Variants in MYH10 observed in about 807,000 individuals in gnomAD.
The protein encoded by MYH10 is myosin heavy chain 10, also known as myosin-10.
In MYH10, 55 loss-of-function variants were observed where a neutral mutation model predicts 257.8. That is an observed-to-expected ratio of 0.21 (90% CI 0.17 to 0.27). The LOEUF (loss-of-function observed/expected upper bound fraction) is 0.27. MYH10 is among the 10% of genes least tolerant of loss of function. MYH10 has a pLI of 1.00. For synonymous variants in MYH10, 854 were observed against 921.7 expected, an observed-to-expected ratio of 0.93 and a Z score of 1.33; for missense variants, 1,631 against 2,500.6, an observed-to-expected ratio of 0.65 and a Z score of 7.42.
chr17:8,600,097 G>A (rs1365222802), intron 3 of MYH10, among the ~76,000 whole-genome samples: 1 of 152,122 alleles, frequency 6.6e-6, no homozygotes, highest in Non-Finnish European at 1.5e-5. Context: ...AATTACAGTG[G>A]TATTTATCTG....
At chr17:8,495,520 A>G (rs1055990503) in intron 30 of MYH10, among the ~76,000 whole-genome samples, 1 of 152,078 alleles carries the variant, frequency 6.6e-6, no homozygotes, top group Non-Finnish European at 1.5e-5. Context: ...ACCTTCTTCT[A>G]TTTTTATCAT....
chr17:8,622,903 T>C lies in MYH10; in HGVS notation c.344A>G (p.Tyr115Cys), dbSNP rs367804571. Residue 115 changes from tyrosine to cysteine, a missense_variant and splice_region_variant, in exon 2 of 43, where the codon TAT (tyrosine) becomes TGT (cysteine). Physicochemically the swap from Tyr to Cys is radical, Grantham distance 194. Around this residue, in one of 11 missense-constraint regions of MYH10, gnomAD observed 360 missense variants for 581.9 expected, o/e 0.62. Coordinates refer to ENST00000360416, the MANE Select transcript of MYH10 (RefSeq NM_001256012.3). ...TGATTATTTGGAAGAAATACTTACA[T>C]AGATTAGTCCTGAATAGTAGCGATC... ...LKDRYYSGLIYTYSGLFCVVI... is the reference protein window; with the variant it reads ...LKDRYYSGLICTYSGLFCVVI... The C allele has an allele frequency of 2.5e-6, 4 of 1,612,458 alleles. No individual in the cohort carries two copies. Among genetic ancestry groups the C allele is most frequent in the African/African-American group, 2.7e-5 (2 of 74,858 alleles).
At chr17:8,567,619 T>C (rs1399701549) in intron 7 of MYH10, among the ~76,000 whole-genome samples, 1 of 152,084 alleles carries the variant, frequency 6.6e-6, no homozygotes, top group Non-Finnish European at 1.5e-5. Flanking sequence ...ATATAATTGG[T>C]GTCCTCATAA....
intron 29 of MYH10, 42 bp from the exon 30 acceptor site, chr17:8,499,518 T>A (rs748556609): frequency 1.8e-5 from 28 of 1,591,782 alleles, no homozygotes; most frequent in Non-Finnish European, 2.3e-5. Context: ...AGTTATTTTC[T>A]AAAACTCCAT....
chr17:8,630,151 G>A (rs1339637430), intron 1 of MYH10, among the ~76,000 whole-genome samples: 2 of 148,128 alleles, frequency 1.4e-5, no homozygotes, highest in Non-Finnish European at 3.0e-5. Context: ...CCGGGACTGC[G>A]CTTTCCAGCC....
In MYH10 at chr17:8,578,730, T is replaced by C. The variant is rs537065852; in HGVS notation, c.531-1392A>G. ...AAGCTGCTACACACACAGCGAGACC[T>C]GAATTACGGCCTCTGCTCAAACACT... On this transcript the variant is annotated intron_variant, in intron 4 of 42. Coordinates refer to ENST00000360416, the MANE Select transcript of MYH10 (RefSeq NM_001256012.3). Among the ~76,000 whole-genome samples the C allele has an allele frequency of 1.7e-3, 258 of 152,274 alleles. 1 individual carries two copies. Among genetic ancestry groups the C allele is most frequent in the African/African-American group, 5.9e-3 (245 of 41,546 alleles).
chr17:8,476,805 C>G, intron 42 of MYH10, 71 bp downstream of exon 42: 1 of 1,508,148 alleles, frequency 6.6e-7, no homozygotes, highest in Admixed American at 1.9e-5. Flanking sequence ...TTCCTCTGAC[C>G]AGCTGCACCC....
intron 2 of MYH10, among the ~76,000 whole-genome samples, chr17:8,609,575 G>A (rs976586137): frequency 1.3e-5 from 2 of 151,730 alleles, no homozygotes; most frequent in African/African-American, 2.4e-5. Context: ...TAGAGTCTAC[G>A]TATTAGGACA....
chr17:8,571,384 C>T (rs964765980), intron 6 of MYH10, among the ~76,000 whole-genome samples: 3 of 151,372 alleles, frequency 2.0e-5, no homozygotes, highest in Non-Finnish European at 4.4e-5. Flanking sequence ...CCATGTTAGC[C>T]AGGATGGTCT....
At chr17:8,571,772 A>T (rs1160265347) in intron 6 of MYH10, among the ~76,000 whole-genome samples, 3 of 152,158 alleles carry the variant, frequency 2.0e-5, no homozygotes, top group Admixed American at 6.5e-5. Flanking sequence ...AAAATAAAAA[A>T]TAAAAATTAA....
Position 8,513,743 on chromosome 17 carries a change from C to G in MYH10, c.2613+43G>C, listed in dbSNP as rs565002591. On this transcript the variant is annotated intron_variant, in intron 22 of 42. Coordinates refer to ENST00000360416, the MANE Select transcript of MYH10 (RefSeq NM_001256012.3). ...CCTATGGGTTTTTCCTGATCAGACT[C>G]TGCTATTTGAAAGGGATCTGGAAAG... The G allele has an allele frequency of 1.6e-5, 25 of 1,611,106 alleles. No individual in the cohort carries two copies. The South Asian group carries it at 2.3e-4, about 15-fold the overall frequency.
intron 30 of MYH10, among the ~76,000 whole-genome samples, chr17:8,497,496 T>C (rs1393941213): frequency 6.6e-6 from 1 of 151,952 alleles, no homozygotes; most frequent in African/African-American, 2.4e-5. Flanking sequence ...TCCCAGCACT[T>C]TGGGAGGCTG....
intron 2 of MYH10, among the ~76,000 whole-genome samples, chr17:8,620,573 T>A (rs757601502): frequency 7.3e-6 from 1 of 137,408 alleles, no homozygotes; most frequent in Non-Finnish European, 1.5e-5. Flanking sequence ...TTATGTTATA[T>A]CTTATCTATA....
intron 13 of MYH10, among the ~76,000 whole-genome samples, chr17:8,543,318 C>A (rs1005905916): frequency 2.0e-5 from 3 of 152,132 alleles, no homozygotes; most frequent in African/African-American, 7.2e-5. Context: ...AGGGCAGGGG[C>A]AGTGCTTGCC....
intron 36 of MYH10, 132 bp from the exon 37 acceptor site, chr17:8,484,398 G>A (rs1914405572): frequency 1.3e-6 from 1 of 760,148 alleles, no homozygotes; most frequent in African/African-American, 1.8e-5. Flanking sequence ...CATTGCTCCT[G>A]ATTACAAGTG....
intron 6 of MYH10, among the ~76,000 whole-genome samples, chr17:8,573,623 C>A (rs1170566903): frequency 6.6e-6 from 1 of 152,188 alleles, no homozygotes; most frequent in African/African-American, 2.4e-5. Context: ...TAAGAGCAAC[C>A]TCTCTTGAGG....
chr17:8,580,232 T>C (rs2083652038), intron 4 of MYH10, among the ~76,000 whole-genome samples: 1 of 152,056 alleles, frequency 6.6e-6, no homozygotes, highest in Non-Finnish European at 1.5e-5. Flanking sequence ...GCACCCACCA[T>C]CATCCTTCTT....
In MYH10 at chr17:8,489,708, A is replaced by AACACACACACAC. The variant is rs59065540; in HGVS notation, c.4884+620_4884+631dup. On this transcript the variant is annotated intron_variant, in intron 35 of 42. Coordinates refer to ENST00000360416, the MANE Select transcript of MYH10 (RefSeq NM_001256012.3). ...GACAGAGCGAGACTCCGTCTGAAAA[A>AACACACACACAC]ACACACACACACACACACACACACA... Among the ~76,000 whole-genome samples, 161 of 93,142 alleles carry AACACACACACAC rather than the reference A, an allele frequency of 1.7e-3. 3 individuals carry two copies. The highest frequency in any genetic ancestry group is 5.1e-3 in the African/African-American group (138 of 27,038). The allele number at this position is 93,142 out of a possible 152,430, so 61.1% of individuals were successfully genotyped here.
At chr17:8,590,399 G>A (rs778818252) in intron 3 of MYH10, among the ~76,000 whole-genome samples, 3 of 151,644 alleles carry the variant, frequency 2.0e-5, no homozygotes, top group African/African-American at 2.4e-5. Flanking sequence ...TGCAACCTCC[G>A]TCTCCTCGGC....
Sources: gnomAD v4.1 joint callset for allele counts (sites outside exome capture counted in the v4.1 genomes callset) on GRCh38, gnomAD v4.1.1 for gene constraint, gnomAD v4.1.1 regional missense constraint, MANE v1.5 for transcripts, NCBI Gene and HGNC (gene_info 2026-07-23, HGNC 2026-07-21) for gene names.